The following GRID2 variants were observed in gnomAD, a reference collection of about 807,000 sequenced individuals.
GRID2 encodes the protein glutamate ionotropic receptor delta type subunit 2, also known as glutamate receptor ionotropic, delta-2.
Under a neutral mutation model 114.8 loss-of-function variants are expected in GRID2, and 33 were observed. That is an observed-to-expected ratio of 0.29 (90% confidence interval 0.22 to 0.38). The LOEUF (loss-of-function observed/expected upper bound fraction) is 0.38. Ranked by LOEUF, GRID2 falls within the 10% of genes least tolerant of loss-of-function variation. The probability of loss-of-function intolerance (pLI) is 1.00; values close to 1 mark genes in which losing one functional copy is unlikely to be tolerated. For missense variants in GRID2, 1,184 were observed against 1,257.7 expected, an observed-to-expected ratio of 0.94 and a Z score of 0.89; for synonymous variants, 505 against 449.9, an observed-to-expected ratio of 1.12 and a Z score of -1.55.
chr4:93,250,172 A>G (rs764753814), intron 8 of GRID2, among the ~76,000 whole-genome samples: 1 of 152,360 alleles, frequency 6.6e-6, no homozygotes, highest in East Asian at 1.9e-4. Context: ...GCCATAAAAA[A>G]GGATGAGTTC....
At chr4:92,801,746 C>T (rs1476264314) in intron 2 of GRID2, among the ~76,000 whole-genome samples, 1 of 151,556 alleles carries the variant, frequency 6.6e-6, no homozygotes, top group Admixed American at 6.6e-5. Context: ...CAGTGCAATG[C>T]TTAAATAGAT....
Position 93,188,890 on chromosome 4 carries a change from A to G in GRID2, c.736-18514A>G, listed in dbSNP as rs557922674. ...CACCTTTCCTCAAGTTTCCAATGAC[A>G]TGTTTCTCATTTCTATCTGAGACCT... On this transcript the variant is annotated intron_variant, in intron 4 of 15. Transcript: ENST00000282020. Among the ~76,000 whole-genome samples, 53 of 152,214 alleles carry G rather than the reference A, an allele frequency of 3.5e-4. No individual in the cohort carries two copies. In the South Asian group the frequency reaches 9.9e-3, roughly 29 times the overall value.
At chr4:93,267,182 TTTA>T (rs796076017) in intron 8 of GRID2, among the ~76,000 whole-genome samples, 2 of 73,064 alleles carry the variant, frequency 2.7e-5, no homozygotes, top group African/African-American at 1.6e-4. Flanking sequence ...TTTTTTTAAT[TTTA>T]TTATTTTTTT....
intron 2 of GRID2, among the ~76,000 whole-genome samples, chr4:92,816,328 A>G (rs1398277896): frequency 6.6e-6 from 1 of 151,366 alleles, no homozygotes; most frequent in Non-Finnish European, 1.5e-5. Context: ...CAAAAAAAAA[A>G]AAAAAAAAAA....
intron 1 of GRID2, among the ~76,000 whole-genome samples, chr4:93,781,549 G>T (rs545539678): frequency 6.6e-6 from 1 of 152,216 alleles, no homozygotes; most frequent in African/African-American, 2.4e-5. Context: ...GTGTCAGTCG[G>T]GGGTTGGTTC....
At chr4:93,121,777 C>T (rs770307170) in intron 4 of GRID2, among the ~76,000 whole-genome samples, 6 of 152,142 alleles carry the variant, frequency 3.9e-5, no homozygotes, top group Non-Finnish European at 8.8e-5. Context: ...GAAAGCATTC[C>T]AATTTTCCGT....
At chr4:92,564,022 A>G (rs1381525349) in intron 1 of GRID2, among the ~76,000 whole-genome samples, 2 of 152,028 alleles carry the variant, frequency 1.3e-5, no homozygotes, top group Admixed American at 1.3e-4. Context: ...TCTTTCATCT[A>G]TCCATGATTT....
Position 93,645,639 on chromosome 4 carries a change from G to A in GRID2, c.2360+19204G>A, listed in dbSNP as rs374048522. Among the ~76,000 whole-genome samples the A allele has an allele frequency of 3.0e-4, 46 of 152,142 alleles. 2 individuals carry two copies. In the South Asian group the frequency reaches 8.3e-3, roughly 27 times the overall value. ...TGTTGCCTGTCTCCTGGATACCTGG[G>A]TCATCCCTTTCTCTCCAGACTATTC... On this transcript the variant is annotated intron_variant, in intron 14 of 15. Transcript: ENST00000282020.
At chr4:93,784,875 T>G (rs1490306037) in intron 1 of GRID2, among the ~76,000 whole-genome samples, 3 of 152,186 alleles carry the variant, frequency 2.0e-5, no homozygotes, top group African/African-American at 4.8e-5. Flanking sequence ...TAACTACAGT[T>G]TAAAATTATA....
intron 1 of GRID2, among the ~76,000 whole-genome samples, chr4:92,539,275 C>G (rs968405536): frequency 2.0e-5 from 3 of 152,024 alleles, no homozygotes; most frequent in Admixed American, 2.0e-4. Context: ...GAGTGTTTAA[C>G]TATCTTAAAT....
rs115478690 is a variant in GRID2, at chr4:93,317,612, G to T, written c.1246-77995G>T. Among the ~76,000 whole-genome samples the T allele has an allele frequency of 2.7e-3, 404 of 152,120 alleles. 2 individuals are homozygous for T. The highest frequency in any genetic ancestry group is 8.6e-3 in the African/African-American group (359 of 41,532). Reference sequence around the variant, plus strand: ...TCTTTCAGAAATTTATCCCCAAACTGCAATGCTGCATTTAATTTCCTGTTG... The same window carrying T: ...TCTTTCAGAAATTTATCCCCAAACTTCAATGCTGCATTTAATTTCCTGTTG... On this transcript the variant is annotated intron_variant, in intron 8 of 15. Coordinates refer to ENST00000282020, the MANE Select transcript of GRID2 (RefSeq NM_001510.4).
chr4:93,656,766 C>A (rs1723034368), intron 14 of GRID2, among the ~76,000 whole-genome samples: 1 of 114,368 alleles, frequency 8.7e-6, no homozygotes, highest in Admixed American at 1.1e-4. Flanking sequence ...GGAGGCAGAG[C>A]TTGCCGTGAG....
chr4:93,179,623 G>C (rs1460820911), intron 4 of GRID2, among the ~76,000 whole-genome samples: 3 of 152,106 alleles, frequency 2.0e-5, no homozygotes, highest in Non-Finnish European at 4.4e-5. Flanking sequence ...ATTGTGCTAA[G>C]TACCTTGTAC....
At chr4:92,712,905 C>T (rs1013880393) in intron 2 of GRID2, among the ~76,000 whole-genome samples, 1 of 151,840 alleles carries the variant, frequency 6.6e-6, no homozygotes, top group Admixed American at 6.6e-5. Flanking sequence ...TCAGGGGTAA[C>T]TCAGGGATAG....
chr4:93,680,330 G>T (rs1447090921), intron 14 of GRID2, among the ~76,000 whole-genome samples: 1 of 151,944 alleles, frequency 6.6e-6, no homozygotes, highest in Non-Finnish European at 1.5e-5. Flanking sequence ...TGGATTCACA[G>T]CCGAATTCTA....
At chr4:93,398,194 C>T (rs893739628) in intron 9 of GRID2, among the ~76,000 whole-genome samples, 25 of 145,636 alleles carry the variant, frequency 1.7e-4, no homozygotes, top group African/African-American at 6.1e-4. Context: ...AATCAGACTT[C>T]CTGAATTTGA....
intron 1 of GRID2, among the ~76,000 whole-genome samples, chr4:92,530,071 G>C (rs116347717): frequency 0.023 from 3,539 of 150,896 alleles, 149 homozygotes; most frequent in African/African-American, 0.082. Context: ...GAATAAATAA[G>C]AAGATCAAGC....
At chr4:93,563,777 A>G (rs752310345) in intron 13 of GRID2, among the ~76,000 whole-genome samples, 1 of 151,990 alleles carries the variant, frequency 6.6e-6, no homozygotes, top group Non-Finnish European at 1.5e-5. Flanking sequence ...TTGAAGAAAT[A>G]TGTGCCATGA....
At position 93,803,569 on chromosome 4, in the gene GRID2, A is replaced by T. The variant is rs546735936; in HGVS notation, c.222-3146A>T. Among the ~76,000 whole-genome samples the T allele has an allele frequency of 2.0e-5, 3 of 152,136 alleles. No homozygotes were observed. In the East Asian group the frequency reaches 5.8e-4, roughly 30 times the overall value. On this transcript the variant is annotated intron_variant, in intron 1 of 1. Coordinates refer to the GRID2 transcript ENST00000637838. ...AAACCGTGTCTCTACTAAAAATACAAAAATTAGCCGGGCATGGTGGCACGC... is the reference window on the plus strand; with the variant it reads ...AAACCGTGTCTCTACTAAAAATACATAAATTAGCCGGGCATGGTGGCACGC...
Sources: allele counts gnomAD v4.1 joint callset (sites outside exome capture counted in the v4.1 genomes callset), GRCh38; gene constraint gnomAD v4.1.1; transcripts MANE v1.5; gene names NCBI Gene and HGNC (gene_info 2026-07-23, HGNC 2026-07-21).